TSPAN15: variants seen among roughly 807,000 people sequenced by gnomAD.
TSPAN15 encodes tetraspanin-15.
Under a neutral mutation model 34.5 loss-of-function variants are expected in TSPAN15, and 20 were observed. The observed-to-expected ratio is 0.58, with a 90% confidence interval of 0.41 to 0.84. TSPAN15 has a LOEUF of 0.84. Ranked by LOEUF, TSPAN15 falls within the 40% of genes least tolerant of loss-of-function variation. TSPAN15 has a pLI of 0.00. For synonymous variants in TSPAN15, 155 were observed against 153.9 expected, an observed-to-expected ratio of 1.01 and a Z score of -0.05; for missense variants, 313 against 386.1, an observed-to-expected ratio of 0.81 and a Z score of 1.59.
intron 3 of TSPAN15, among the ~76,000 whole-genome samples, chr10:69,491,054 C>T (rs547531152): frequency 1.3e-5 from 2 of 152,272 alleles, no homozygotes; most frequent in Admixed American, 6.5e-5. Flanking sequence ...GAGGCTGGAG[C>T]CCCCAGTCCC....
At chr10:69,526,114 T>C in the TSPAN15 span, among the ~76,000 whole-genome samples, 1 of 146,426 alleles carries the variant, frequency 6.8e-6, no homozygotes, top group Non-Finnish European at 1.5e-5. Flanking sequence ...AAATATACAA[T>C]ATTAGGAAGA....
chr10:69,487,064 C>A (rs1245564338), intron 3 of TSPAN15, among the ~76,000 whole-genome samples: 1 of 151,926 alleles, frequency 6.6e-6, no homozygotes, highest in Non-Finnish European at 1.5e-5. Context: ...GAGCTCCTGG[C>A]CAGCCTGCGG....
chr10:69,477,287 A>T (rs147123954), intron 1 of TSPAN15, among the ~76,000 whole-genome samples: 1,690 of 152,176 alleles, frequency 0.011, 23 homozygotes, highest in African/African-American at 0.033. Flanking sequence ...GGTGCACGCC[A>T]CCACACCCAG....
chr10:69,493,737 G>C (rs1842017987), intron 3 of TSPAN15, among the ~76,000 whole-genome samples: 1 of 152,194 alleles, frequency 6.6e-6, no homozygotes, highest in Non-Finnish European at 1.5e-5. Flanking sequence ...CTCCCAAAGT[G>C]CTGGGATTAC....
In TSPAN15 at chr10:69,506,868, G is replaced by C; in HGVS notation, c.775G>C (p.Val259Leu). The C allele has an allele frequency of 6.2e-7, 1 of 1,600,820 alleles. No homozygotes were observed. Among genetic ancestry groups the C allele is most frequent in the Non-Finnish European group, 8.5e-7 (1 of 1,174,270 alleles). The change falls in exon 8 of 8, where the codon GTG (valine) becomes CTG (leucine). Residue 259 changes from valine (V) to leucine (L), a missense_variant. Transcript: ENST00000373290. The surrounding 1 kb of genome is among the most constrained non-coding windows in gnomAD (Gnocchi z 4.7). Reference protein sequence around the residue: ...VLLTLLYITRVEDIIMEHSVT... With the variant: ...VLLTLLYITRLEDIIMEHSVT... ...GCTGACGCTGCTGTACATCACCCGG[G>C]TGGAGGACATCATCATGGAGCACTC... is the stretch of plus-strand genomic sequence containing the variant.
In TSPAN15 at chr10:69,466,711, G is replaced by A. The variant is rs527576919; in HGVS notation, c.96+15021G>A. Reference sequence around the variant, plus strand: ...TTCCTTCCAGCTCTTTTCTGGGAATGTAGGCAGTGTGGCACCTCTTGGTCA... The same window carrying A: ...TTCCTTCCAGCTCTTTTCTGGGAATATAGGCAGTGTGGCACCTCTTGGTCA... On this transcript the variant is annotated intron_variant, in intron 1 of 7. Transcript: ENST00000373290. Among the ~76,000 whole-genome samples the A allele has an allele frequency of 2.6e-5, 4 of 152,372 alleles. No homozygotes were observed. In the East Asian group the frequency reaches 7.7e-4, roughly 29 times the overall value.
At chr10:69,454,048 C>T (rs146536115) in intron 1 of TSPAN15, among the ~76,000 whole-genome samples, 33 of 152,332 alleles carry the variant, frequency 2.2e-4, no homozygotes, top group African/African-American at 7.2e-4. Flanking sequence ...AAACCATTTA[C>T]AGGAAAGCCT....
At chr10:69,494,362 T>C (rs774381978) in intron 3 of TSPAN15, among the ~76,000 whole-genome samples, 1 of 152,230 alleles carries the variant, frequency 6.6e-6, no homozygotes, top group Non-Finnish European at 1.5e-5. Flanking sequence ...GGACCTACAA[T>C]GTGCCTGGTG....
chr10:69,495,664 ACAT>A lies in TSPAN15; in HGVS notation c.432_434del (p.Ile144del). ...TACTATGATGATCTGGACTTCAAAAACATCATGGACTTTGTTCAGAAAAAGGTG... is the reference window on the plus strand; with the variant it reads ...TACTATGATGATCTGGACTTCAAAAACATGGACTTTGTTCAGAAAAAGGTG... On this transcript the variant is annotated inframe_deletion, in exon 4 of 8. Coordinates refer to ENST00000373290, the MANE Select transcript of TSPAN15 (RefSeq NM_012339.5). The A allele has an allele frequency of 6.2e-7, 1 of 1,614,086 alleles. No homozygotes were observed. The highest frequency in any genetic ancestry group is 2.2e-5 in the East Asian group (1 of 44,892).
At chr10:69,462,328 T>C (rs1841286327) in intron 1 of TSPAN15, among the ~76,000 whole-genome samples, 1 of 151,314 alleles carries the variant, frequency 6.6e-6, no homozygotes. Flanking sequence ...ATTTTTATTT[T>C]ATTTTTTAAG....
At chr10:69,530,885 T>G in the TSPAN15 span, among the ~76,000 whole-genome samples, 2 of 128,794 alleles carry the variant, frequency 1.6e-5, no homozygotes, top group African/African-American at 5.6e-5. Flanking sequence ...GCACACAGTT[T>G]AAAAGTAGGA....
chr10:69,513,158 G>T, the TSPAN15 span, among the ~76,000 whole-genome samples: 1 of 152,228 alleles, frequency 6.6e-6, no homozygotes, highest in African/African-American at 2.4e-5. Flanking sequence ...TTGTGGTTTT[G>T]ATTTGCATTT....
At chr10:69,532,826 TCATCAAGAAAAA>T in the TSPAN15 span, among the ~76,000 whole-genome samples, 1 of 151,754 alleles carries the variant, frequency 6.6e-6, no homozygotes, top group African/African-American at 2.4e-5. Context: ...CTCAAACAAA[TCATCAAGAAAAA>T]AGCAAACAAT....
chr10:69,542,247 C>G, the TSPAN15 span, among the ~76,000 whole-genome samples: 1 of 152,196 alleles, frequency 6.6e-6, no homozygotes, highest in Non-Finnish European at 1.5e-5. Flanking sequence ...TCATCTCCAT[C>G]TGAGACCACC....
chr10:69,503,795 G>A (rs1279706828), intron 5 of TSPAN15, among the ~76,000 whole-genome samples: 2 of 152,236 alleles, frequency 1.3e-5, no homozygotes, highest in Admixed American at 6.5e-5. Context: ...GGAAGTGCCC[G>A]CGGCAGCCTG....
At chr10:69,526,276 A>T in the TSPAN15 span, among the ~76,000 whole-genome samples, 1 of 148,170 alleles carries the variant, frequency 6.7e-6, no homozygotes, top group Non-Finnish European at 1.5e-5. Context: ...AAAATATCGC[A>T]AATAGGTCTG....
At chr10:69,522,589 C>T in the TSPAN15 span, among the ~76,000 whole-genome samples, 13 of 146,544 alleles carry the variant, frequency 8.9e-5, 1 homozygote, top group African/African-American at 3.2e-4. Flanking sequence ...AGGTGAGCAG[C>T]GGGTGAGCAA....
At chr10:69,539,536 A>AAGAAGAAGGAGG in the TSPAN15 span, among the ~76,000 whole-genome samples, 16 of 71,510 alleles carry the variant, frequency 2.2e-4, 2 homozygotes, top group Non-Finnish European at 3.3e-4. Context: ...GAAGAAGAAG[A>AAGAAGAAGGAGG]AGGAGAAGGA....
Position 69,506,332 on chromosome 10 carries a change from A to T in TSPAN15, c.735+92A>T. 1 of 1,269,654 alleles carries T rather than the reference A, an allele frequency of 7.9e-7. No homozygotes were observed. Among genetic ancestry groups the T allele is most frequent in the South Asian group, 1.3e-5 (1 of 77,236 alleles). 78.6% of individuals were successfully genotyped at this position (1,269,654 alleles called of 1,614,324 possible). On this transcript the variant is annotated intron_variant, in intron 7 of 7. Coordinates refer to ENST00000373290, the MANE Select transcript of TSPAN15 (RefSeq NM_012339.5). This position sits in a 1 kb window ranked among gnomAD's most constrained non-coding sequence, Gnocchi z 4.7. ...GGGGAAGAGCGAAGAGGCTTTTTTC[A>T]TAGAAGTCCAGGACTTGCCTGGGGA...
Sources: gnomAD v4.1 joint callset for allele counts (sites outside exome capture counted in the v4.1 genomes callset) on GRCh38, gnomAD v4.1.1 for gene constraint, Gnocchi (gnomAD v3.1) non-coding constraint, MANE v1.5 for transcripts, NCBI Gene and HGNC (gene_info 2026-07-23, HGNC 2026-07-21) for gene names.